Variants in RNF130 observed in about 807,000 individuals in gnomAD.
RNF130 encodes ring finger protein 130.
RNF130 carries 21 observed loss-of-function variants against 44.6 expected under a neutral mutation model. That is an observed-to-expected ratio of 0.47 (90% confidence interval 0.33 to 0.68). The LOEUF (loss-of-function observed/expected upper bound fraction) is 0.68, where lower values mean the gene tolerates loss of function less well. Ranked by LOEUF, RNF130 falls within the 30% of genes least tolerant of loss-of-function variation. The probability of loss-of-function intolerance (pLI) is 0.02; values close to 1 mark genes in which losing one functional copy is unlikely to be tolerated. For synonymous variants in RNF130, 214 were observed against 210.4 expected, an observed-to-expected ratio of 1.02 and a Z score of -0.15; for missense variants, 479 against 560.6, an observed-to-expected ratio of 0.85 and a Z score of 1.47.
intron 3 of RNF130, among the ~76,000 whole-genome samples, chr5:179,984,684 C>T (rs1762915352): frequency 6.6e-6 from 1 of 151,848 alleles, no homozygotes; most frequent in Non-Finnish European, 1.5e-5. Context: ...AAGAGGGGTC[C>T]TGGTCTGTAG....
chr5:180,031,608 T>C (rs1476962097), intron 2 of RNF130, among the ~76,000 whole-genome samples: 1 of 152,238 alleles, frequency 6.6e-6, no homozygotes, highest in Non-Finnish European at 1.5e-5. Flanking sequence ...TGCTAAACTA[T>C]ATTCAATTTT....
At chr5:180,045,356 G>A (rs1764534633) in intron 1 of RNF130, among the ~76,000 whole-genome samples, 2 of 152,142 alleles carry the variant, frequency 1.3e-5, no homozygotes, top group Admixed American at 6.5e-5. Flanking sequence ...TGGTATGTCC[G>A]GAGTTTCTTC....
At chr5:179,956,541 T>C (rs538013748) in intron 8 of RNF130, 1 of 152,708 alleles carries the variant, frequency 6.5e-6, no homozygotes, top group East Asian at 1.9e-4. Flanking sequence ...CAGCTCTTTA[T>C]AAGAATCAAG....
intron 2 of RNF130, among the ~76,000 whole-genome samples, chr5:180,037,208 C>T (rs1764268782): frequency 6.6e-6 from 1 of 152,200 alleles, no homozygotes; most frequent in African/African-American, 2.4e-5. Flanking sequence ...AATGCTGTAA[C>T]ACTCTCCTAC....
chr5:179,985,567 G>T (rs1371049957), intron 3 of RNF130, among the ~76,000 whole-genome samples: 3 of 152,116 alleles, frequency 2.0e-5, no homozygotes, highest in Non-Finnish European at 4.4e-5. Context: ...TTAAAAGGCA[G>T]TCCTACCCTG....
intron 2 of RNF130, among the ~76,000 whole-genome samples, chr5:180,015,841 A>C (rs1007929219): frequency 6.6e-6 from 1 of 152,212 alleles, no homozygotes; most frequent in Non-Finnish European, 1.5e-5. Flanking sequence ...ACTAAATAAG[A>C]ACACCAACTA....
intron 1 of RNF130, among the ~76,000 whole-genome samples, chr5:180,059,438 A>G (rs1461436499): frequency 6.6e-6 from 1 of 152,204 alleles, no homozygotes; most frequent in African/African-American, 2.4e-5. Flanking sequence ...TCCCCCCACC[A>G]GACAGCAACA....
intron 5 of RNF130, among the ~76,000 whole-genome samples, chr5:179,976,271 G>A (rs933885303): frequency 6.6e-6 from 1 of 152,192 alleles, no homozygotes; most frequent in Non-Finnish European, 1.5e-5. Context: ...ACTTTAGGCC[G>A]AGCCTCCCCT....
intron 7 of RNF130, among the ~76,000 whole-genome samples, chr5:179,921,415 C>T (rs1449022147): frequency 6.6e-6 from 1 of 152,230 alleles, no homozygotes; most frequent in African/African-American, 2.4e-5. Context: ...ATTGTGTGAA[C>T]ATATGCTTTC....
chr5:180,058,005 T>C (rs1764879088), intron 1 of RNF130, among the ~76,000 whole-genome samples: 2 of 152,214 alleles, frequency 1.3e-5, no homozygotes, highest in Admixed American at 6.5e-5. Context: ...CAGAATTGAA[T>C]TAAACTGTAG....
intron 7 of RNF130, among the ~76,000 whole-genome samples, chr5:179,946,647 G>A (rs1010242104): frequency 1.3e-4 from 19 of 150,160 alleles, no homozygotes; most frequent in Middle Eastern, 3.4e-3. Context: ...TCCGCCTCCC[G>A]GGTTCACGCC....
At chr5:179,952,703 G>A (rs571183770), downstream of RNF130, among the ~76,000 whole-genome samples, 1 of 152,256 alleles carries the variant, frequency 6.6e-6, no homozygotes, top group African/African-American at 2.4e-5. Flanking sequence ...TCAATGTAAT[G>A]CACCACATTC....
chr5:179,943,918 C>T (rs1761998515), intron 7 of RNF130, among the ~76,000 whole-genome samples: 1 of 152,094 alleles, frequency 6.6e-6, no homozygotes, highest in Admixed American at 6.6e-5. Context: ...TTAAAAACTT[C>T]TCAAGGTCTT....
At chr5:180,070,322 G>A (rs1039190272) in intron 1 of RNF130, among the ~76,000 whole-genome samples, 1 of 152,212 alleles carries the variant, frequency 6.6e-6, no homozygotes, top group African/African-American at 2.4e-5. Context: ...GATTACTGGT[G>A]TAAAACGGAC....
exon 8 of RNF130, chr5:179,914,693 C>T (rs1761516128): frequency 6.6e-6 from 1 of 152,218 alleles, no homozygotes; most frequent in Non-Finnish European, 1.5e-5. Flanking sequence ...ATTGTGATTA[C>T]ATGGAGATAC....
chr5:180,055,613 C>T (rs917391444), intron 1 of RNF130, among the ~76,000 whole-genome samples: 1 of 152,194 alleles, frequency 6.6e-6, no homozygotes, highest in African/African-American at 2.4e-5. Flanking sequence ...ATAATACTGC[C>T]AACAGTATAA....
At chr5:180,050,112 CACTCT>C in intron 1 of RNF130, among the ~76,000 whole-genome samples, 1 of 152,158 alleles carries the variant, frequency 6.6e-6, no homozygotes, top group South Asian at 2.1e-4. Context: ...TAGGCAGGGC[CACTCT>C]CCCTATGTCT....
In RNF130 at chr5:179,987,286, G is replaced by C. The variant is rs117936581; in HGVS notation, c.694-7086C>G. 1.4e-4 allele frequency among the ~76,000 whole-genome samples: 22 copies of C among 152,184 alleles called. No individual in the cohort carries two copies. In the East Asian group the frequency reaches 2.9e-3, roughly 20 times the overall value. ...GGGCTCAATCCATCCTCCTGCCTCA[G>C]CCTCCTGAATACCTGGGACTATAGG... On this transcript the variant is annotated intron_variant, in intron 3 of 8. Transcript: ENST00000521389.
At chr5:179,918,993 C>T (rs1349006869) in exon 8 of RNF130, 1 of 152,234 alleles carries the variant, frequency 6.6e-6, no homozygotes, top group Non-Finnish European at 1.5e-5. Context: ...CACGCATCTG[C>T]TTCGTTTGCT....
Sources: gnomAD v4.1 joint callset for allele counts (sites outside exome capture counted in the v4.1 genomes callset) on GRCh38, gnomAD v4.1.1 for gene constraint, MANE v1.5 for transcripts, NCBI Gene and HGNC (gene_info 2026-07-23, HGNC 2026-07-21) for gene names.